ARAP2: variants seen among roughly 807,000 people sequenced by gnomAD.
ARAP2 encodes arf-GAP with Rho-GAP domain, ANK repeat and PH domain-containing protein 2.
ARAP2 carries 148 observed loss-of-function variants against 194.5 expected under a neutral mutation model. That is an observed-to-expected ratio of 0.76 (90% CI 0.67 to 0.87). The LOEUF (loss-of-function observed/expected upper bound fraction) is 0.87, where lower values mean the gene tolerates loss of function less well. Among genes scored for constraint, ARAP2 ranks in the 40% least tolerant of loss-of-function variants. The pLI is 0.00. For missense variants in ARAP2, 2,128 were observed against 1,989.7 expected (o/e 1.07, Z -1.32); for synonymous variants, 695 against 683.5 (o/e 1.02, Z -0.26).
At chr4:36,209,485 T>A (rs149859683) in intron 6 of ARAP2, 4 of 373,948 alleles carry the variant, frequency 1.1e-5, no homozygotes, top group African/African-American at 8.7e-5. Context: ...TGTTTTGCTA[T>A]CTTTTGAAAT....
At chr4:36,217,568 A>G (rs1748217601) in intron 2 of ARAP2, among the ~76,000 whole-genome samples, 2 of 152,158 alleles carry the variant, frequency 1.3e-5, no homozygotes, top group Admixed American at 6.6e-5. Flanking sequence ...TAAAAAATAA[A>G]AATGATTTTA....
intron 8 of ARAP2, among the ~76,000 whole-genome samples, chr4:36,184,779 C>T (rs778722516): frequency 5.3e-5 from 8 of 152,242 alleles, no homozygotes; most frequent in Non-Finnish European, 1.2e-4. Context: ...CTCAAAGAAA[C>T]AAGCAGTTAC....
intron 15 of ARAP2, among the ~76,000 whole-genome samples, chr4:36,154,597 T>A (rs1388908983): frequency 6.6e-6 from 1 of 151,954 alleles, no homozygotes; most frequent in Non-Finnish European, 1.5e-5. Flanking sequence ...ATCTTTCTTT[T>A]CATGAACACT....
At chr4:36,106,300 A>G (rs1718400288) in intron 27 of ARAP2, among the ~76,000 whole-genome samples, 1 of 151,978 alleles carries the variant, frequency 6.6e-6, no homozygotes, top group Non-Finnish European at 1.5e-5. Context: ...ATCATATGTA[A>G]GAGCATGAAA....
At chr4:36,220,486 A>G (rs570853042) in intron 2 of ARAP2, among the ~76,000 whole-genome samples, 10 of 152,290 alleles carry the variant, frequency 6.6e-5, no homozygotes, top group Admixed American at 5.9e-4. Context: ...ATACTTGATA[A>G]TAAGTGATCA....
downstream of ARAP2, among the ~76,000 whole-genome samples, chr4:36,063,296 T>C (rs375865120): frequency 2.9e-4 from 44 of 150,858 alleles, no homozygotes; most frequent in East Asian, 8.0e-3. Flanking sequence ...CATCACACAC[T>C]GGGGCCTGTC....
intron 1 of ARAP2, among the ~76,000 whole-genome samples, chr4:36,234,142 C>T (rs1381516561): frequency 1.3e-5 from 2 of 152,112 alleles, no homozygotes; most frequent in African/African-American, 2.4e-5. Flanking sequence ...ATCATAAAGT[C>T]GAAAAATCCC....
At chr4:36,213,406 T>G in intron 3 of ARAP2, 87 bp from the exon 4 acceptor site, 1 of 958,402 alleles carries the variant, frequency 1.0e-6, no homozygotes, top group South Asian at 1.5e-5. Context: ...CATGAGTTTT[T>G]TATGGCATTA....
chr4:36,131,492 A>T (rs192917025), intron 20 of ARAP2, among the ~76,000 whole-genome samples: 98 of 151,626 alleles, frequency 6.5e-4, no homozygotes, highest in African/African-American at 2.3e-3. Context: ...ATATAAACAC[A>T]ATCTTCCATT....
chr4:36,243,041 G>A (rs994061993), intron 1 of ARAP2, among the ~76,000 whole-genome samples: 3 of 151,656 alleles, frequency 2.0e-5, no homozygotes, highest in African/African-American at 7.3e-5. Context: ...AATGTCATGA[G>A]TATTTTCTCT....
intron 1 of ARAP2, among the ~76,000 whole-genome samples, chr4:36,230,847 G>A (rs1751313389): frequency 1.3e-5 from 2 of 152,094 alleles, no homozygotes; most frequent in South Asian, 2.1e-4. Flanking sequence ...CATAAGCTAC[G>A]GCTTCAACTA....
chr4:36,137,835 T>C (rs1024758677), intron 19 of ARAP2, among the ~76,000 whole-genome samples: 24 of 151,764 alleles, frequency 1.6e-4, no homozygotes, highest in Admixed American at 1.3e-4. Context: ...ATTCCAGAAG[T>C]GAAATGCTGA....
At chr4:36,149,252 CACA>C (rs1290268785) in intron 16 of ARAP2, among the ~76,000 whole-genome samples, 2 of 152,156 alleles carry the variant, frequency 1.3e-5, no homozygotes, top group South Asian at 2.1e-4. Flanking sequence ...TCAATCTCAT[CACA>C]ACAAGCTCAA....
At chr4:36,223,003 C>A (rs901819522) in intron 2 of ARAP2, among the ~76,000 whole-genome samples, 1 of 151,844 alleles carries the variant, frequency 6.6e-6, no homozygotes, top group Non-Finnish European at 1.5e-5. Context: ...TTTTCCCTTC[C>A]CCTCAGTGCT....
chr4:36,074,558 G>T (rs1364979469), intron 31 of ARAP2, among the ~76,000 whole-genome samples: 1 of 151,942 alleles, frequency 6.6e-6, no homozygotes, highest in Non-Finnish European at 1.5e-5. Flanking sequence ...AAAGAATTTT[G>T]TACTCCCCAG....
Position 36,214,321 on chromosome 4 carries a change from C to G in ARAP2, c.964+101G>C, listed in dbSNP as rs1747428847. On this transcript the variant is annotated intron_variant, in intron 3 of 32. Transcript: ENST00000303965. ...CTGGCAGACAGTTATTTCCATTGTT[C>G]CCTATACCACAGGTGGGCTGCCTTC... The G allele has an allele frequency of 4.8e-6, 4 of 830,114 alleles. No homozygotes were observed. In the Admixed American group the frequency reaches 7.6e-5, roughly 16 times the overall value. 51.4% of individuals were successfully genotyped at this position (830,114 alleles called of 1,614,324 possible). A position where few individuals can be genotyped will look rare whatever the true frequency, so the allele number is the denominator to read the frequency against.
intron 5 of ARAP2, among the ~76,000 whole-genome samples, chr4:36,020,054 T>G (rs1363609920): frequency 6.6e-6 from 1 of 152,182 alleles, no homozygotes; most frequent in East Asian, 1.9e-4. Context: ...ACTATTCTTG[T>G]ATTTGAAGGC....
intron 19 of ARAP2, among the ~76,000 whole-genome samples, chr4:36,146,616 G>A (rs540782193): frequency 1.2e-4 from 19 of 152,004 alleles, no homozygotes; most frequent in Admixed American, 7.2e-4. Context: ...TTACTTTTTC[G>A]TTTTATGAAG....
intron 1 of ARAP2, among the ~76,000 whole-genome samples, chr4:36,239,681 G>A (rs1753138931): frequency 6.6e-6 from 1 of 152,194 alleles, no homozygotes; most frequent in Non-Finnish European, 1.5e-5. Flanking sequence ...AAATGGTCTG[G>A]AGATCTGTTT....
Sources: gnomAD v4.1 joint callset for allele counts (sites outside exome capture counted in the v4.1 genomes callset) on GRCh38, gnomAD v4.1.1 for gene constraint, MANE v1.5 for transcripts, NCBI Gene and HGNC (gene_info 2026-07-23, HGNC 2026-07-21) for gene names.